The following ARHGAP31 variants were observed in gnomAD, a reference collection of about 807,000 sequenced individuals.
ARHGAP31 encodes the protein Rho GTPase activating protein 31.
In ARHGAP31, 34 loss-of-function variants were observed where a neutral mutation model predicts 113.9. The ratio of observed to expected loss-of-function variants is 0.30; its 90% confidence interval spans 0.23 to 0.40. The LOEUF (loss-of-function observed/expected upper bound fraction) is 0.40. ARHGAP31 is among the 10% of genes least tolerant of loss of function. The pLI is 1.00. For synonymous variants in ARHGAP31, 650 were observed against 684.8 expected, an observed-to-expected ratio of 0.95 and a Z score of 0.79; for missense variants, 1,548 against 1,767.1, an observed-to-expected ratio of 0.88 and a Z score of 2.22.
At chr3:119,314,873 G>GT (rs2079715895) in intron 1 of ARHGAP31, 1 of 152,332 alleles carries the variant, frequency 6.6e-6, no homozygotes, top group African/African-American at 2.4e-5. Flanking sequence ...TTGTGTTCAG[G>GT]AAGAACTAAT....
rs2080246282 is a variant in ARHGAP31, at chr3:119,365,525, A to C, written c.203+107A>C. ...TTAAAAACCCAAAGGAACTGAGGGA[A>C]GTGTGGCAGCACCGAAGATCAGATG... On this transcript the variant is annotated intron_variant, in intron 2 of 11. Coordinates refer to ENST00000264245, the MANE Select transcript of ARHGAP31 (RefSeq NM_020754.4). The C allele has an allele frequency of 7.2e-6, 7 of 967,170 alleles. No homozygotes were observed. In the South Asian group the frequency reaches 9.5e-5, roughly 13 times the overall value. The allele number at this position is 967,170 out of a possible 1,614,324, so 59.9% of individuals were successfully genotyped here. A position where few individuals can be genotyped will look rare whatever the true frequency, so the allele number is the denominator to read the frequency against.
At chr3:119,333,750 C>T (rs921997425) in intron 1 of ARHGAP31, among the ~76,000 whole-genome samples, 1 of 152,210 alleles carries the variant, frequency 6.6e-6, no homozygotes, top group African/African-American at 2.4e-5. Context: ...TTCCGACTCT[C>T]ACCGTTTTAT....
At chr3:119,392,915 T>C (rs9831023) in intron 7 of ARHGAP31, among the ~76,000 whole-genome samples, 52,681 of 152,016 alleles carry the variant, frequency 0.35, 10,745 homozygotes, top group African/African-American at 0.57. Context: ...CAACAGGACC[T>C]AGGTGCATAT....
intron 10 of ARHGAP31, 87 bp downstream of exon 10, chr3:119,402,484 G>C: frequency 7.0e-7 from 1 of 1,422,826 alleles, no homozygotes; most frequent in Non-Finnish European, 9.7e-7. Context: ...AATATAGTGC[G>C]GTGGTTAAGC....
At chr3:119,309,192 T>G (rs75532199) in intron 1 of ARHGAP31, among the ~76,000 whole-genome samples, 7,097 of 152,288 alleles carry the variant, frequency 0.047, 358 homozygotes, top group African/African-American at 0.12. Context: ...ATTCCATTTC[T>G]GATTGCTTGA....
Position 119,415,802 on chromosome 3 carries a change from A to G in ARHGAP31, c.3873A>G (p.Glu1291=), listed in dbSNP as rs776534585. 3.7e-6 allele frequency: 6 copies of G among 1,614,232 alleles called. No homozygotes were observed. The Admixed American group carries it at 1.0e-4, about 27-fold the overall frequency. ...GCGAGGGACCTACCCTTTCTCCAGAACCAGGCTCGTCTAACCTGCTCTCCA... is the reference window on the plus strand; with the variant it reads ...GCGAGGGACCTACCCTTTCTCCAGAGCCAGGCTCGTCTAACCTGCTCTCCA... ...CMCEGPTLSP[E]PGSSNLLSTQ... is the part of the protein sequence containing the mutation. Residue 1291 remains glutamate (E), a synonymous_variant, in exon 12 of 12, where the codon GAA becomes GAG. Coordinates refer to ENST00000264245, the MANE Select transcript of ARHGAP31 (RefSeq NM_020754.4).
At chr3:119,393,324 T>A in intron 7 of ARHGAP31, 143 bp from the exon 8 acceptor site, 1 of 1,118,508 alleles carries the variant, frequency 8.9e-7, no homozygotes, top group Non-Finnish European at 1.3e-6. Context: ...GAATCAAGCT[T>A]ACCTTGGATT....
intron 1 of ARHGAP31, chr3:119,330,015 A>G: frequency 1.0e-6 from 1 of 985,384 alleles, no homozygotes; most frequent in Non-Finnish European, 1.2e-6. Flanking sequence ...CGGTGACTCC[A>G]TTTGCCAGTT....
At chr3:119,357,390 C>A (rs934620418) in intron 1 of ARHGAP31, among the ~76,000 whole-genome samples, 1 of 152,066 alleles carries the variant, frequency 6.6e-6, no homozygotes, top group African/African-American at 2.4e-5. Context: ...GGCTGTCCAG[C>A]GTGGCTGGAA....
chr3:119,374,469 C>G (rs1276246465), intron 3 of ARHGAP31, among the ~76,000 whole-genome samples: 1 of 152,118 alleles, frequency 6.6e-6, no homozygotes, highest in Non-Finnish European at 1.5e-5. Flanking sequence ...ATAAATTACC[C>G]AATCTTAGGT....
chr3:119,356,338 A>G (rs2080157050), intron 1 of ARHGAP31, among the ~76,000 whole-genome samples: 2 of 152,052 alleles, frequency 1.3e-5, no homozygotes, highest in South Asian at 4.1e-4. Flanking sequence ...AACAACAACA[A>G]AAAAAACCAT....
At chr3:119,369,731 A>T (rs907834724) in intron 3 of ARHGAP31, among the ~76,000 whole-genome samples, 1 of 152,222 alleles carries the variant, frequency 6.6e-6, no homozygotes, top group Non-Finnish European at 1.5e-5. Context: ...GAATAAAAGG[A>T]AAGATGTTCA....
chr3:119,409,506 T>C lies in ARHGAP31; in HGVS notation c.1656T>C (p.Pro552=). 1 of 1,614,192 alleles carries C rather than the reference T, an allele frequency of 6.2e-7. No homozygotes were observed. The highest frequency in any genetic ancestry group is 1.7e-5 in the Admixed American group (1 of 60,020). Residue 552 remains proline, a synonymous_variant, in exon 11 of 12, where the codon CCT becomes CCC. Coordinates refer to ENST00000264245, the MANE Select transcript of ARHGAP31 (RefSeq NM_020754.4). ...LGAETSAASV[P]KKAGLEDAKA... is the part of the protein sequence containing the mutation. ...TCATTTTCACTGCAGCTTCTGTACC[T>C]AAGAAGGCAGGTCTTGAGGATGCCA... is the stretch of plus-strand genomic sequence containing the variant.
chr3:119,295,108 TC>T, intron 1 of ARHGAP31, 104 bp downstream of exon 1: 1 of 1,067,324 alleles, frequency 9.4e-7, no homozygotes, highest in Non-Finnish European at 1.4e-6. Flanking sequence ...GTTAATGTAT[TC>T]CAGGCCTGTG....
intron 1 of ARHGAP31, among the ~76,000 whole-genome samples, chr3:119,357,305 A>G (rs1004555541): frequency 2.0e-5 from 3 of 152,170 alleles, no homozygotes; most frequent in Non-Finnish European, 1.5e-5. Flanking sequence ...AGAAGAGGCA[A>G]TGGGCTCAGA....
chr3:119,385,777 C>T (rs1195164961), intron 6 of ARHGAP31, among the ~76,000 whole-genome samples: 1 of 152,208 alleles, frequency 6.6e-6, no homozygotes, highest in East Asian at 1.9e-4. Flanking sequence ...GTAAGTAATT[C>T]GCTGCGTGTG....
chr3:119,306,634 A>G (rs925369138), intron 1 of ARHGAP31, among the ~76,000 whole-genome samples: 1 of 152,216 alleles, frequency 6.6e-6, no homozygotes, highest in African/African-American at 2.4e-5. Context: ...ATTCTACCGA[A>G]TGGGTTCCAT....
rs1434050843 is a variant in ARHGAP31 at position 119,393,586 on chromosome 3, T to C, written c.1001T>C (p.Leu334Pro). Residue 334 changes from leucine to proline, a missense_variant, in exon 8 of 12, where the codon CTC (leucine) becomes CCC (proline). Transcript: ENST00000264245. ...AGTGTATTTGTGAGAGGACAGAGGC[T>C]CTCGGGTAAGAATCAACAGCAATTG... The part of the protein sequence containing the change: ...NGSVFVRGQR[L>P]SVEKATIRPA... The C allele has an allele frequency of 6.2e-7, 1 of 1,614,002 alleles. No homozygotes were observed. The highest frequency in any genetic ancestry group is 8.5e-7 in the Non-Finnish European group (1 of 1,180,000).
chr3:119,347,377 C>T (rs1302439940), intron 1 of ARHGAP31, among the ~76,000 whole-genome samples: 1 of 152,186 alleles, frequency 6.6e-6, no homozygotes, highest in Non-Finnish European at 1.5e-5. Flanking sequence ...AACAAAACAA[C>T]TCAATTAAGT....
Sources: allele counts gnomAD v4.1 joint callset (sites outside exome capture counted in the v4.1 genomes callset), GRCh38; gene constraint gnomAD v4.1.1; transcripts MANE v1.5; gene names NCBI Gene and HGNC (gene_info 2026-07-23, HGNC 2026-07-21).